The following RGS17 variants were observed in gnomAD, a reference collection of about 807,000 sequenced individuals.
The protein encoded by RGS17 is regulator of G-protein signaling 17.
In RGS17, 12 loss-of-function variants were observed where a neutral mutation model predicts 25.5. That is an observed-to-expected ratio of 0.47 (90% confidence interval 0.30 to 0.76). The LOEUF is 0.76. RGS17 is among the 30% of genes least tolerant of loss of function. The pLI, the probability that RGS17 is intolerant of heterozygous loss-of-function variation, is 0.07. For synonymous variants in RGS17, 71 were observed against 76.9 expected (o/e 0.92, Z 0.40); for missense variants, 196 against 242.2 (o/e 0.81, Z 1.27).
chr6:153,094,964 C>A (rs1358207539), intron 1 of RGS17, among the ~76,000 whole-genome samples: 1 of 152,038 alleles, frequency 6.6e-6, no homozygotes, highest in African/African-American at 2.4e-5. Flanking sequence ...ACATAATCTT[C>A]ATACATAAAA....
rs566553539 is a variant in RGS17, at chr6:153,080,548, C to T, written c.-25-36505G>A. On this transcript the variant is annotated intron_variant, in intron 1 of 4. Coordinates refer to ENST00000206262, the MANE Select transcript of RGS17 (RefSeq NM_012419.5). ...ATTTTTATGACTTCTAATCTAAAAT[C>T]ATTATGATTATCAATATTGTATTAA... Among the ~76,000 whole-genome samples the T allele has an allele frequency of 7.2e-5, 11 of 152,102 alleles. No homozygotes were observed. In the South Asian group the frequency reaches 2.1e-3, roughly 29 times the overall value.
chr6:153,112,249 A>G (rs1777481274), intron 1 of RGS17, among the ~76,000 whole-genome samples: 1 of 152,224 alleles, frequency 6.6e-6, no homozygotes, highest in African/African-American at 2.4e-5. Flanking sequence ...GATGGCACTG[A>G]AAAACAACAT....
At chr6:153,070,199 A>G (rs1421833724) in intron 1 of RGS17, among the ~76,000 whole-genome samples, 1 of 152,130 alleles carries the variant, frequency 6.6e-6, no homozygotes. Context: ...AGAAGAAATA[A>G]TAAGTAAAAT....
chr6:153,010,134 C>A lies in RGS17; in HGVS notation c.*1440G>T, dbSNP rs1356031572. The A allele has an allele frequency of 2.6e-5, 4 of 151,474 alleles. No individual in the cohort carries two copies. The highest frequency in any genetic ancestry group is 9.7e-5 in the African/African-American group (4 of 41,258). 9.4% of individuals were successfully genotyped at this position (151,474 alleles called of 1,614,324 possible). A position where few individuals can be genotyped will look rare whatever the true frequency, so the allele number is the denominator to read the frequency against. On this transcript the variant is annotated 3_prime_UTR_variant, in exon 5 of 5. Coordinates refer to ENST00000206262, the MANE Select transcript of RGS17 (RefSeq NM_012419.5). The stretch of plus-strand genomic sequence containing the variant: ...TGGATATAAATCTTTTTAAAACTTT[C>A]ATTTTAGGTTACTCAGTATTATATT...
Position 153,011,762 on chromosome 6 carries a change from C to T in RGS17, c.445G>A (p.Val149Ile), listed in dbSNP as rs771917491. The T allele has an allele frequency of 6.3e-7, 1 of 1,580,814 alleles. No homozygotes were observed. Among genetic ancestry groups the T allele is most frequent in the Non-Finnish European group, 8.5e-7 (1 of 1,169,746 alleles). The change falls in exon 5 of 5, where the codon GTC becomes ATC. Residue 149 changes from valine to isoleucine, a missense_variant and splice_region_variant. This residue lies in a region of RGS17 where 179 missense variants were observed against 197.6 expected (regional missense o/e 0.91). Transcript: ENST00000206262. ...DYISILSPKE[V>I]SLDSRVREVI... ...TCTCTAACTCGAGAATCAAGACTGACCTAAAAAGAAACAAGAGCAAATACA... is the reference window on the plus strand; with the variant it reads ...TCTCTAACTCGAGAATCAAGACTGATCTAAAAAGAAACAAGAGCAAATACA...
rs2129104561 is a variant in RGS17 at position 153,008,391 on chromosome 6, TTG to T, written c.*3181_*3182del. 2 of 152,212 alleles carry T rather than the reference TTG, an allele frequency of 1.3e-5. No homozygotes were observed. The highest frequency in any genetic ancestry group is 4.2e-4 in the South Asian group (2 of 4,816). The allele number at this position is 152,212 out of a possible 1,614,324, so 9.4% of individuals were successfully genotyped here. ...GCATTTCGTAACTTTAGTATCAAAGTTGTGTTTTGCTCTTGTTGTTCATGTGC... is the reference window on the plus strand; with the variant it reads ...GCATTTCGTAACTTTAGTATCAAAGTTGTTTTGCTCTTGTTGTTCATGTGC... On this transcript the variant is annotated 3_prime_UTR_variant, in exon 5 of 5. Transcript: ENST00000206262.
intron 1 of RGS17, among the ~76,000 whole-genome samples, chr6:153,071,548 G>T (rs1776802532): frequency 1.3e-5 from 2 of 151,960 alleles, no homozygotes; most frequent in Admixed American, 1.3e-4. Context: ...ATAATAAAGT[G>T]AAAAAAACTT....
chr6:153,025,128 A>G (rs559240874), intron 3 of RGS17, among the ~76,000 whole-genome samples: 1 of 147,794 alleles, frequency 6.8e-6, no homozygotes, highest in Non-Finnish European at 1.5e-5. Flanking sequence ...TGGGAAACAT[A>G]GCAAGATCCT....
intron 2 of RGS17, among the ~76,000 whole-genome samples, chr6:153,037,522 T>G (rs1776265278): frequency 6.6e-6 from 1 of 151,280 alleles, no homozygotes; most frequent in African/African-American, 2.4e-5. Context: ...GCCCCCCAGG[T>G]TCAAGCGATT....
chr6:153,092,522 C>T (rs147516472), intron 1 of RGS17, among the ~76,000 whole-genome samples: 155 of 152,246 alleles, frequency 1.0e-3, no homozygotes, highest in African/African-American at 3.3e-3. Flanking sequence ...TGTCTCCACC[C>T]GCCTCCAGTC....
At chr6:153,028,907 T>C (rs1378829838) in intron 2 of RGS17, among the ~76,000 whole-genome samples, 2 of 152,228 alleles carry the variant, frequency 1.3e-5, no homozygotes, top group African/African-American at 4.8e-5. Context: ...TTAAACATCT[T>C]TGAGAAATTT....
In RGS17 at chr6:153,067,399, A is replaced by G. The variant is rs575539812; in HGVS notation, c.-25-23356T>C. Among the ~76,000 whole-genome samples the G allele has an allele frequency of 1.4e-3, 215 of 152,284 alleles. 1 individual carries two copies. Among genetic ancestry groups the G allele is most frequent in the Middle Eastern group, 0.014 (4 of 294 alleles). On this transcript the variant is annotated intron_variant, in intron 1 of 4. Coordinates refer to ENST00000206262, the MANE Select transcript of RGS17 (RefSeq NM_012419.5). The stretch of plus-strand genomic sequence containing the variant: ...CCTTGTTTGCAGACGATATGATCTT[A>G]TATTTGGAAAAACCTAAAGATTCCA...
chr6:153,108,690 CAATT>C (rs1171119954), intron 1 of RGS17, among the ~76,000 whole-genome samples: 1 of 88,874 alleles, frequency 1.1e-5, no homozygotes, highest in African/African-American at 3.8e-5. Flanking sequence ...GTTTTTAAAA[CAATT>C]AAGGTGTAGA....
chr6:153,075,446 C>G (rs1464903136), intron 1 of RGS17, among the ~76,000 whole-genome samples: 7 of 152,186 alleles, frequency 4.6e-5, no homozygotes, highest in Admixed American at 1.3e-4. Flanking sequence ...CTACCTCTAC[C>G]CTGTCTGATG....
chr6:153,051,030 A>G (rs1197841418), intron 1 of RGS17, among the ~76,000 whole-genome samples: 1 of 152,208 alleles, frequency 6.6e-6, no homozygotes, highest in African/African-American at 2.4e-5. Context: ...ATAGTCATCT[A>G]CAACCAGGCA....
At chr6:153,091,673 T>A (rs1156690067) in intron 1 of RGS17, among the ~76,000 whole-genome samples, 1 of 152,024 alleles carries the variant, frequency 6.6e-6, no homozygotes, top group African/African-American at 2.4e-5. Flanking sequence ...CCACTACACA[T>A]GGCTAATTTT....
chr6:153,094,937 A>G (rs1443015769), intron 1 of RGS17, among the ~76,000 whole-genome samples: 2 of 152,118 alleles, frequency 1.3e-5, no homozygotes, highest in Non-Finnish European at 2.9e-5. Context: ...ATAATTGTGA[A>G]TTGAATTTTG....
intron 2 of RGS17, among the ~76,000 whole-genome samples, chr6:153,034,944 G>A (rs1776219836): frequency 6.6e-6 from 1 of 152,100 alleles, no homozygotes; most frequent in Non-Finnish European, 1.5e-5. Context: ...GAGGTCAGGA[G>A]TTTGAGACTA....
Position 153,011,322 on chromosome 6 carries a change from A to C in RGS17, c.*252T>G. 1.3e-5 allele frequency: 6 copies of C among 451,562 alleles called. No individual in the cohort carries two copies. The highest frequency in any genetic ancestry group is 2.4e-5 in the Non-Finnish European group (6 of 253,398). 28.0% of individuals were successfully genotyped at this position (451,562 alleles called of 1,614,324 possible). A position where few individuals can be genotyped will look rare whatever the true frequency, so the allele number is the denominator to read the frequency against. On this transcript the variant is annotated 3_prime_UTR_variant, in exon 5 of 5. Coordinates refer to ENST00000206262, the MANE Select transcript of RGS17 (RefSeq NM_012419.5). ...AGACTGTTCATAGGACTACAAATACACTTTGCTTGCAAGTAGAATGAGTCT... is the reference window on the plus strand; with the variant it reads ...AGACTGTTCATAGGACTACAAATACCCTTTGCTTGCAAGTAGAATGAGTCT...
Sources: allele counts gnomAD v4.1 joint callset (sites outside exome capture counted in the v4.1 genomes callset), GRCh38; gene constraint gnomAD v4.1.1; regional missense constraint gnomAD v4.1.1; transcripts MANE v1.5; gene names NCBI Gene and HGNC (gene_info 2026-07-23, HGNC 2026-07-21).